Variants in ADAM29 observed in about 807,000 individuals in gnomAD.
The protein encoded by ADAM29 is ADAM metallopeptidase domain 29.
For synonymous variants in ADAM29, 367 were observed against 342.3 expected, an observed-to-expected ratio of 1.07 and a Z score of -0.80; for missense variants, 969 against 1,001.8, an observed-to-expected ratio of 0.97 and a Z score of 0.44.
intron 4 of ADAM29, among the ~76,000 whole-genome samples, chr4:174,958,709 C>A (rs1412328366): frequency 6.6e-6 from 1 of 151,368 alleles, no homozygotes; most frequent in Non-Finnish European, 1.5e-5. Context: ...TGTTACTAGT[C>A]TCTACCTCTT....
intron 4 of ADAM29, among the ~76,000 whole-genome samples, chr4:174,972,042 G>T (rs1746506987): frequency 6.6e-6 from 1 of 151,964 alleles, no homozygotes; most frequent in African/African-American, 2.4e-5. Context: ...TTCTGTTTTG[G>T]TACTTTAAAA....
At chr4:174,971,788 T>C in intron 4 of ADAM29, among the ~76,000 whole-genome samples, 1 of 152,142 alleles carries the variant, frequency 6.6e-6, no homozygotes, top group East Asian at 1.9e-4. Flanking sequence ...TTAAATAGGC[T>C]TTCTGGCCCC....
chr4:174,947,538 C>T lies in ADAM29; in HGVS notation c.-181+10525C>T, dbSNP rs187424594. Among the ~76,000 whole-genome samples the T allele has an allele frequency of 2.4e-3, 359 of 152,156 alleles. 2 individuals are homozygous for T. Among genetic ancestry groups the T allele is most frequent in the Admixed American group, 3.1e-3 (48 of 15,290 alleles). ...TCAGAAACAGGTTGTTTAAATCCCT[C>T]GTAATTGTATGGTTTTGAGCAATCT... On this transcript the variant is annotated intron_variant, in intron 4 of 4. Transcript: ENST00000359240.
chr4:174,962,511 C>CAAAA (rs578109941), intron 4 of ADAM29, among the ~76,000 whole-genome samples: 1 of 63,552 alleles, frequency 1.6e-5, no homozygotes, highest in Non-Finnish European at 3.8e-5. Flanking sequence ...GACTCCGTCA[C>CAAAA]AAAAAAAAAA....
intron 1 of ADAM29, among the ~76,000 whole-genome samples, chr4:174,919,786 G>A (rs572215305): frequency 3.3e-5 from 5 of 152,180 alleles, no homozygotes; most frequent in African/African-American, 4.8e-5. Context: ...CAGTTACAGC[G>A]GCAAAACCCT....
At chr4:174,947,811 C>G (rs950462179) in intron 4 of ADAM29, among the ~76,000 whole-genome samples, 2 of 152,134 alleles carry the variant, frequency 1.3e-5, no homozygotes, top group African/African-American at 4.8e-5. Context: ...TTTTCTGCCT[C>G]TATGGTCTGT....
chr4:174,920,316 A>C (rs1743095379), intron 1 of ADAM29, among the ~76,000 whole-genome samples: 1 of 152,106 alleles, frequency 6.6e-6, no homozygotes, highest in African/African-American at 2.4e-5. Context: ...CTGCCCATTA[A>C]AAGTATGCAA....
intron 4 of ADAM29, among the ~76,000 whole-genome samples, chr4:174,975,081 A>G (rs915322607): frequency 6.6e-6 from 1 of 152,170 alleles, no homozygotes; most frequent in African/African-American, 2.4e-5. Context: ...TATTTAAAGA[A>G]CTGTATAGTG....
chr4:174,960,187 C>G (rs568145169), intron 4 of ADAM29, among the ~76,000 whole-genome samples: 1 of 151,888 alleles, frequency 6.6e-6, no homozygotes. Flanking sequence ...TTTTTGCTCA[C>G]TTAGTGTTTT....
At chr4:174,971,801 C>T (rs1380563373) in intron 4 of ADAM29, among the ~76,000 whole-genome samples, 1 of 152,116 alleles carries the variant, frequency 6.6e-6, no homozygotes, top group Non-Finnish European at 1.5e-5. Context: ...CTGGCCCCTT[C>T]TCTCTTCTCC....
rs772970685 is a variant in ADAM29 at position 174,976,756 on chromosome 4, T to G, written c.1231T>G (p.Cys411Gly). ...GNGVVEEGEE[C>G]DCGPLKHCAK... ...TGGTGTTGTTGAAGAAGGAGAAGAGTGTGACTGTGGACCTTTAAAGCATTG... is the reference window on the plus strand; with the variant it reads ...TGGTGTTGTTGAAGAAGGAGAAGAGGGTGACTGTGGACCTTTAAAGCATTG... The change falls in exon 5 of 5, where the codon TGT becomes GGT. Residue 411 changes from cysteine (C) to glycine (G), a missense_variant. Physicochemically the swap from Cys to Gly is radical, Grantham distance 159. Transcript: ENST00000359240. The G allele has an allele frequency of 1.9e-6, 3 of 1,613,800 alleles. No homozygotes were observed. The highest frequency in any genetic ancestry group is 2.5e-6 in the Non-Finnish European group (3 of 1,179,864).
At chr4:174,967,006 C>T (rs1746193575) in intron 4 of ADAM29, among the ~76,000 whole-genome samples, 1 of 152,128 alleles carries the variant, frequency 6.6e-6, no homozygotes, top group Non-Finnish European at 1.5e-5. Context: ...ACTTTGTGTA[C>T]ATACTTGTAT....
At chr4:174,951,078 G>A (rs1485437325) in intron 4 of ADAM29, among the ~76,000 whole-genome samples, 3 of 152,134 alleles carry the variant, frequency 2.0e-5, no homozygotes, top group Non-Finnish European at 2.9e-5. Flanking sequence ...CTTTATAGTA[G>A]TGTGAAAATG....
intron 2 of ADAM29, among the ~76,000 whole-genome samples, chr4:174,928,953 TA>T (rs1560860995): frequency 6.6e-6 from 1 of 152,190 alleles, no homozygotes; most frequent in Non-Finnish European, 1.5e-5. Context: ...TTAACTTTTC[TA>T]AAGTAACTGC....
intron 4 of ADAM29, among the ~76,000 whole-genome samples, chr4:174,941,068 T>A: frequency 6.6e-6 from 1 of 152,188 alleles, no homozygotes; most frequent in Non-Finnish European, 1.5e-5. Flanking sequence ...TAAAATTCTA[T>A]TTACCATGAA....
At chr4:174,924,198 T>G (rs759900367) in intron 2 of ADAM29, among the ~76,000 whole-genome samples, 3 of 152,136 alleles carry the variant, frequency 2.0e-5, no homozygotes, top group Non-Finnish European at 4.4e-5. Context: ...AGACATGTCA[T>G]CAAAGAACAT....
chr4:174,937,617 C>T (rs1319967070), intron 4 of ADAM29, among the ~76,000 whole-genome samples: 1 of 152,012 alleles, frequency 6.6e-6, no homozygotes, highest in East Asian at 1.9e-4. Flanking sequence ...TATTTCCTTT[C>T]CTCTGAATGT....
In ADAM29 at chr4:174,926,313, A is replaced by G. The variant is rs187174340; in HGVS notation, c.-450-4673A>G. Among the ~76,000 whole-genome samples the G allele has an allele frequency of 2.4e-3, 368 of 152,252 alleles. 2 individuals are homozygous for G. The highest frequency in any genetic ancestry group is 8.6e-3 in the African/African-American group (356 of 41,564). On this transcript the variant is annotated intron_variant, in intron 2 of 4. Transcript: ENST00000359240. ...TTCCCTGCCTTCCGGTCATAAGCAC[A>G]CAAGTTTACTTAGCCTAAAGAAACT...
intron 4 of ADAM29, among the ~76,000 whole-genome samples, chr4:174,962,468 C>T (rs559982292): frequency 1.2e-4 from 18 of 149,490 alleles, no homozygotes; most frequent in South Asian, 4.2e-4. Context: ...GCCGAGATCG[C>T]GCCACTGCAC....
Sources: allele counts gnomAD v4.1 joint callset (sites outside exome capture counted in the v4.1 genomes callset), GRCh38; gene constraint gnomAD v4.1.1; transcripts MANE v1.5; gene names NCBI Gene and HGNC (gene_info 2026-07-23, HGNC 2026-07-21).